LTBP1: variants seen among roughly 807,000 people sequenced by gnomAD.
LTBP1 encodes the protein latent-transforming growth factor beta-binding protein 1.
Under a neutral mutation model 207.6 loss-of-function variants are expected in LTBP1, and 129 were observed. That is an observed-to-expected ratio of 0.62 (90% CI 0.54 to 0.72). The LOEUF (loss-of-function observed/expected upper bound fraction) is 0.72, where lower values mean the gene tolerates loss of function less well. Among genes scored for constraint, LTBP1 ranks in the 30% least tolerant of loss-of-function variants. The pLI, the probability that LTBP1 is intolerant of heterozygous loss-of-function variation, is 0.00. For missense variants in LTBP1, 2,281 were observed against 2,217.2 expected, an observed-to-expected ratio of 1.03 and a Z score of -0.58; for synonymous variants, 963 against 833.7, an observed-to-expected ratio of 1.16 and a Z score of -2.67.
At chr2:33,184,382 C>A (rs1458031089) in intron 5 of LTBP1, among the ~76,000 whole-genome samples, 1 of 152,154 alleles carries the variant, frequency 6.6e-6, no homozygotes, top group African/African-American at 2.4e-5. Context: ...TCTTCCCTTC[C>A]CTCTAGAACC....
At chr2:33,107,985 A>C (rs748449266) in intron 3 of LTBP1, among the ~76,000 whole-genome samples, 1 of 152,212 alleles carries the variant, frequency 6.6e-6, no homozygotes, top group Non-Finnish European at 1.5e-5. Context: ...TACTCGGGGT[A>C]ACAGAAGGAA....
chr2:33,185,458 A>T (rs368459332), intron 5 of LTBP1, among the ~76,000 whole-genome samples: 3 of 152,212 alleles, frequency 2.0e-5, no homozygotes, highest in African/African-American at 7.2e-5. Flanking sequence ...GAAAGCTTTG[A>T]CCAGAAAATA....
At chr2:33,367,616 C>T (rs931213229) in intron 31 of LTBP1, among the ~76,000 whole-genome samples, 6 of 152,138 alleles carry the variant, frequency 3.9e-5, no homozygotes, top group Non-Finnish European at 8.8e-5. Context: ...TGACTTTCTG[C>T]TTCTGAGTAA....
chr2:33,181,116 C>T (rs72855746), intron 5 of LTBP1, among the ~76,000 whole-genome samples: 11,961 of 152,170 alleles, frequency 0.079, 1,018 homozygotes, highest in African/African-American at 0.21. Context: ...AGCCAGGGAG[C>T]GGGTGGAGTG....
At chr2:33,068,947 A>G (rs1403329544) in intron 3 of LTBP1, among the ~76,000 whole-genome samples, 1 of 152,214 alleles carries the variant, frequency 6.6e-6, no homozygotes, top group African/African-American at 2.4e-5. Context: ...ATTCATATCA[A>G]TGTTTAACTA....
Position 33,275,043 on chromosome 2 carries a change from T to C in LTBP1, c.2822T>C (p.Ile941Thr). ...CENTEGSFLC[I>T]CPAGFMASEE... ...AACACCGAGGGAAGTTTCTTGTGCA[T>C]TTGCCCAGCAGGATTTATGGCCAGT... The change falls in exon 17 of 34, where the codon ATT becomes ACT. Residue 941 changes from isoleucine to threonine, a missense_variant. Physicochemically the swap from Ile to Thr is moderately conservative, Grantham distance 89. Around this residue, in one of 3 missense-constraint regions of LTBP1, gnomAD observed 1,671 missense variants for 1,634.8 expected, o/e 1.02. Coordinates refer to ENST00000404816, the MANE Select transcript of LTBP1 (RefSeq NM_206943.4). The C allele has an allele frequency of 6.2e-7, 1 of 1,614,084 alleles. No individual in the cohort carries two copies. The highest frequency in any genetic ancestry group is 8.5e-7 in the Non-Finnish European group (1 of 1,179,976).
chr2:33,341,729 A>AAAAAAAATAT (rs745445793), intron 24 of LTBP1, among the ~76,000 whole-genome samples: 6 of 93,612 alleles, frequency 6.4e-5, no homozygotes, highest in African/African-American at 2.5e-4. Context: ...AAAAAAAAAA[A>AAAAAAAATAT]ATATATATAT....
chr2:33,140,615 A>C (rs1040600604), intron 5 of LTBP1, among the ~76,000 whole-genome samples: 1 of 151,984 alleles, frequency 6.6e-6, no homozygotes, highest in African/African-American at 2.4e-5. Context: ...ATACTGAATA[A>C]ATGTCATAAT....
At chr2:33,019,965 T>C (rs2149210491) in intron 2 of LTBP1, among the ~76,000 whole-genome samples, 1 of 147,672 alleles carries the variant, frequency 6.8e-6, no homozygotes, top group African/African-American at 2.5e-5. Flanking sequence ...CCTCCCACCA[T>C]GACCTCCTAA....
intron 2 of LTBP1, among the ~76,000 whole-genome samples, chr2:32,961,801 C>G (rs928517088): frequency 1.3e-5 from 2 of 152,010 alleles, no homozygotes; most frequent in African/African-American, 4.8e-5. Context: ...CAAAAATTAG[C>G]CGGGCGTGGT....
chr2:32,971,728 A>G (rs1420472943), intron 2 of LTBP1, among the ~76,000 whole-genome samples: 1 of 152,166 alleles, frequency 6.6e-6, no homozygotes, highest in South Asian at 2.1e-4. Flanking sequence ...ATCTGTGTTC[A>G]TCAAGGATAT....
chr2:33,189,122 G>C (rs920495898), intron 7 of LTBP1, among the ~76,000 whole-genome samples: 5 of 152,138 alleles, frequency 3.3e-5, no homozygotes, highest in Admixed American at 6.5e-5. Flanking sequence ...AATATTTACT[G>C]TGTGTCTTTT....
At chr2:33,166,745 T>C (rs1213882613) in intron 5 of LTBP1, among the ~76,000 whole-genome samples, 1 of 152,208 alleles carries the variant, frequency 6.6e-6, no homozygotes, top group African/African-American at 2.4e-5. Context: ...AATAGGCATA[T>C]TTTAATAACC....
At chr2:33,393,234 C>CTTTTTTTTTTTTTTTTTTTTTT (rs569734292) in intron 32 of LTBP1, among the ~76,000 whole-genome samples, 1 of 48,744 alleles carries the variant, frequency 2.1e-5, no homozygotes, top group Non-Finnish European at 3.8e-5. Context: ...CCTTCTTCTT[C>CTTTTTTTTTTTTTTTTTTTTTT]TTTTTTTTTT....
At chr2:33,173,863 A>G (rs1170818079) in intron 5 of LTBP1, among the ~76,000 whole-genome samples, 2 of 146,468 alleles carry the variant, frequency 1.4e-5, no homozygotes, top group Non-Finnish European at 3.0e-5. Context: ...ACACAAATCA[A>G]TAAATGTAAT....
chr2:33,213,716 A>T (rs949548213), intron 7 of LTBP1, among the ~76,000 whole-genome samples: 1 of 152,226 alleles, frequency 6.6e-6, no homozygotes, highest in Admixed American at 6.5e-5. Context: ...ATAGTTAAAT[A>T]ACTGAAGGGC....
intron 10 of LTBP1, among the ~76,000 whole-genome samples, chr2:33,252,460 G>C (rs573387810): frequency 8.2e-4 from 125 of 152,294 alleles, no homozygotes; most frequent in African/African-American, 2.8e-3. Flanking sequence ...ACCAGAGAGG[G>C]ACAGGGACAA....
At chr2:33,226,033 CAAT>C (rs2091417344) in intron 9 of LTBP1, among the ~76,000 whole-genome samples, 1 of 152,130 alleles carries the variant, frequency 6.6e-6, no homozygotes. Flanking sequence ...ACTGGTGCTG[CAAT>C]AATAAGTTCA....
intron 3 of LTBP1, among the ~76,000 whole-genome samples, chr2:33,039,108 C>G (rs1478368102): frequency 6.6e-6 from 1 of 152,192 alleles, no homozygotes; most frequent in South Asian, 2.1e-4. Context: ...TCGAAGAGTA[C>G]TGATTAGTGT....
Sources: gnomAD v4.1 joint callset for allele counts (sites outside exome capture counted in the v4.1 genomes callset) on GRCh38, gnomAD v4.1.1 for gene constraint, gnomAD v4.1.1 regional missense constraint, MANE v1.5 for transcripts, NCBI Gene and HGNC (gene_info 2026-07-23, HGNC 2026-07-21) for gene names.